The following RPS6KA2 variants were observed in gnomAD, a reference collection of about 807,000 sequenced individuals.
RPS6KA2 encodes ribosomal protein S6 kinase alpha-2.
Under a neutral mutation model 91.8 loss-of-function variants are expected in RPS6KA2, and 42 were observed. That is an observed-to-expected ratio of 0.46 (90% CI 0.36 to 0.59). The LOEUF (loss-of-function observed/expected upper bound fraction) is 0.59. Among genes scored for constraint, RPS6KA2 ranks in the 20% least tolerant of loss-of-function variants. The probability of loss-of-function intolerance (pLI) is 0.00; values close to 1 mark genes in which losing one functional copy is unlikely to be tolerated. For missense variants in RPS6KA2, 798 were observed against 978.5 expected (o/e 0.82, Z 2.46); for synonymous variants, 414 against 393.6 (o/e 1.05, Z -0.61).
intron 14 of RPS6KA2, among the ~76,000 whole-genome samples, chr6:166,436,035 C>T (rs1297202026): frequency 6.6e-6 from 1 of 152,214 alleles, no homozygotes; most frequent in Non-Finnish European, 1.5e-5. Context: ...TCCTCTGGCT[C>T]ACTGTTAAGA....
chr6:166,685,596 C>G lies in RPS6KA2; in HGVS notation c.124-146812G>C, dbSNP rs147980111. Among the ~76,000 whole-genome samples the G allele has an allele frequency of 6.6e-5, 10 of 152,288 alleles. No individual in the cohort carries two copies. In the East Asian group the frequency reaches 1.9e-3, roughly 29 times the overall value. On this transcript the variant is annotated intron_variant, in intron 2 of 21. Transcript: ENST00000503859. The stretch of plus-strand genomic sequence containing the variant: ...TTCATTCCCTAGGATTAGGGAAGAT[C>G]TTGGATTCAAATCCATAGACTCTTC...
At chr6:166,773,655 C>T (rs1486958549) in intron 2 of RPS6KA2, among the ~76,000 whole-genome samples, 1 of 152,198 alleles carries the variant, frequency 6.6e-6, no homozygotes, top group Admixed American at 6.5e-5. Context: ...CTGCTTTGGC[C>T]TCCCGAAACA....
intron 2 of RPS6KA2, among the ~76,000 whole-genome samples, chr6:166,843,841 G>A (rs541730665): frequency 1.6e-4 from 24 of 152,170 alleles, no homozygotes; most frequent in African/African-American, 5.3e-4. Context: ...AACAATTCTG[G>A]TAATATGACA....
intron 2 of RPS6KA2, among the ~76,000 whole-genome samples, chr6:166,823,020 T>G (rs1367293435): frequency 6.6e-6 from 1 of 152,230 alleles, no homozygotes; most frequent in African/African-American, 2.4e-5. Context: ...TATTGGATCT[T>G]GGCAATCACC....
chr6:166,525,894 T>C (rs1229150533), intron 3 of RPS6KA2, among the ~76,000 whole-genome samples: 1 of 152,182 alleles, frequency 6.6e-6, no homozygotes, highest in African/African-American at 2.4e-5. Flanking sequence ...CTTGAACAAC[T>C]TGGGCTAATG....
intron 2 of RPS6KA2, among the ~76,000 whole-genome samples, chr6:166,657,993 C>T (rs1398293767): frequency 6.6e-6 from 1 of 152,244 alleles, no homozygotes. Flanking sequence ...AAGCGAGTCT[C>T]ATGGCTCAGC....
rs1787211457 is a variant in RPS6KA2, at chr6:166,635,778, G to A, written c.124-96994C>T. 1.3e-5 allele frequency among the ~76,000 whole-genome samples: 2 copies of A among 152,062 alleles called. No homozygotes were observed. Among genetic ancestry groups the A allele is most frequent in the Non-Finnish European group, 2.9e-5 (2 of 68,010 alleles). On this transcript the variant is annotated intron_variant, in intron 2 of 21. Coordinates refer to the RPS6KA2 transcript ENST00000503859. The surrounding 1 kb of genome is among the most constrained non-coding windows in gnomAD (Gnocchi z 4.8). ...CTGCCCACCTACTGCGCTCACCCCA[G>A]GACAAGCCACCATCCCCACCCTGGG...
chr6:166,574,102 C>A (rs1048515533), intron 1 of RPS6KA2, among the ~76,000 whole-genome samples: 6 of 152,168 alleles, frequency 3.9e-5, no homozygotes, highest in Non-Finnish European at 7.3e-5. Context: ...TTGCTCTTAT[C>A]CTGAGTCCTG....
At chr6:166,772,780 C>T (rs1437324344) in intron 2 of RPS6KA2, among the ~76,000 whole-genome samples, 3 of 152,128 alleles carry the variant, frequency 2.0e-5, no homozygotes, top group Admixed American at 2.0e-4. Context: ...TGCTTGGGGT[C>T]CCTCATAAAA....
intron 12 of RPS6KA2, among the ~76,000 whole-genome samples, chr6:166,455,999 C>A (rs1176554885): frequency 6.6e-6 from 1 of 152,206 alleles, no homozygotes; most frequent in Non-Finnish European, 1.5e-5. Flanking sequence ...CAATTTACAG[C>A]CTGTGGAGGA....
intron 2 of RPS6KA2, among the ~76,000 whole-genome samples, chr6:166,537,702 C>A (rs1397034269): frequency 5.3e-5 from 8 of 152,318 alleles, no homozygotes; most frequent in East Asian, 3.9e-4. Flanking sequence ...GGCACAAAGT[C>A]ATGTGAAGAA....
Position 166,626,862 on chromosome 6 carries a change from G to A in RPS6KA2, c.99+59C>T, listed in dbSNP as rs1433679093. ...CACCCAGGGGTGGCGAGGCGGGCTCGGGCGACCACGGCCCGCTCAGTGCCC... is the reference window on the plus strand; with the variant it reads ...CACCCAGGGGTGGCGAGGCGGGCTCAGGCGACCACGGCCCGCTCAGTGCCC... On this transcript the variant is annotated intron_variant, in intron 1 of 20. Transcript: ENST00000265678. This position sits in a 1 kb window ranked among gnomAD's most constrained non-coding sequence, Gnocchi z 4.1. The A allele has an allele frequency of 7.5e-7, 1 of 1,332,118 alleles. No homozygotes were observed. Among genetic ancestry groups the A allele is most frequent in the Non-Finnish European group, 9.7e-7 (1 of 1,025,966 alleles). 82.5% of individuals were successfully genotyped at this position (1,332,118 alleles called of 1,614,324 possible).
At chr6:166,574,012 C>T (rs944773428) in intron 1 of RPS6KA2, among the ~76,000 whole-genome samples, 8 of 152,248 alleles carry the variant, frequency 5.3e-5, no homozygotes, top group South Asian at 2.1e-4. Context: ...ACCATCTCTA[C>T]GCGGTCCACT....
chr6:166,653,086 A>G (rs1489295640), intron 2 of RPS6KA2, among the ~76,000 whole-genome samples: 1 of 152,114 alleles, frequency 6.6e-6, no homozygotes, highest in Admixed American at 6.5e-5. Flanking sequence ...GTTCAGAGGG[A>G]GTCTCGTTCT....
chr6:166,485,892 G>A (rs891979068), intron 10 of RPS6KA2, among the ~76,000 whole-genome samples: 1 of 152,160 alleles, frequency 6.6e-6, no homozygotes, highest in Non-Finnish European at 1.5e-5. Context: ...ACCCTCAGGG[G>A]GTGAGGTCTT....
intron 3 of RPS6KA2, among the ~76,000 whole-genome samples, chr6:166,530,771 C>T (rs769035693): frequency 6.6e-6 from 1 of 152,198 alleles, no homozygotes; most frequent in African/African-American, 2.4e-5. Context: ...GCAGGATGGG[C>T]GTGCAGAGGA....
chr6:166,696,083 A>G (rs1351309671), intron 2 of RPS6KA2, among the ~76,000 whole-genome samples: 1 of 152,162 alleles, frequency 6.6e-6, no homozygotes, highest in East Asian at 1.9e-4. Flanking sequence ...CTTCCACGAA[A>G]CCGGTCCCTG....
rs754262484 is a variant in RPS6KA2, at chr6:166,418,356, C to T, written c.1821-14G>A. ...AAAGGGGTAAATCTGTATAATTAGA[C>T]AAATTTGTGGTAATGAGCTTGTATT... On this transcript the variant is annotated splice_polypyrimidine_tract_variant and intron_variant, in intron 18 of 20. Transcript: ENST00000265678. This position sits in a 1 kb window ranked among gnomAD's most constrained non-coding sequence, Gnocchi z 4.9. 1.9e-6 allele frequency: 3 copies of T among 1,584,358 alleles called. No homozygotes were observed. Among genetic ancestry groups the T allele is most frequent in the Admixed American group, 1.7e-5 (1 of 58,970 alleles).
intron 2 of RPS6KA2, among the ~76,000 whole-genome samples, chr6:166,682,858 T>TC (rs1788875664): frequency 6.6e-6 from 1 of 152,202 alleles, no homozygotes; most frequent in Non-Finnish European, 1.5e-5. Flanking sequence ...AAGCCCTTTT[T>TC]CCCCTTCTCT....
Sources: allele counts gnomAD v4.1 joint callset (sites outside exome capture counted in the v4.1 genomes callset), GRCh38; gene constraint gnomAD v4.1.1; non-coding constraint Gnocchi (gnomAD v3.1); transcripts MANE v1.5; gene names NCBI Gene and HGNC (gene_info 2026-07-23, HGNC 2026-07-21).